SPATA31G1: variants seen among roughly 807,000 people sequenced by gnomAD.
The protein encoded by SPATA31G1 is spermatogenesis-associated protein 31G1.
At chr9:35,041,836 G>A in the SPATA31G1 span, 6 of 167,736 alleles carry the variant, frequency 3.6e-5, no homozygotes, top group Non-Finnish European at 6.6e-5. Context: ...TCACACCACT[G>A]CACTCCAGCC....
At chr9:35,042,157 G>A in the SPATA31G1 span, 1 of 1,484,442 alleles carries the variant, frequency 6.7e-7, no homozygotes, top group Non-Finnish European at 9.0e-7. Flanking sequence ...TAAATTCAGG[G>A]AGAAGGCTGT....
At chr9:35,045,698 A>G in the SPATA31G1 span, 10 of 1,614,100 alleles carry the variant, frequency 6.2e-6, no homozygotes, top group Non-Finnish European at 8.5e-6. Context: ...AGGCAGGGCG[A>G]AGAGCAAGTG....
At chr9:35,044,624 C>T in the SPATA31G1 span, 1 of 1,614,184 alleles carries the variant, frequency 6.2e-7, no homozygotes, top group Non-Finnish European at 8.5e-7. Context: ...CAGACCAAAG[C>T]AACTATAAGC....
the SPATA31G1 span, chr9:35,045,639 C>T: frequency 3.1e-6 from 5 of 1,614,232 alleles, no homozygotes; most frequent in Non-Finnish European, 4.2e-6. Flanking sequence ...ACACACTGCT[C>T]TTCCCCAGCT....
chr9:35,045,487 C>T, the SPATA31G1 span: 1 of 1,614,082 alleles, frequency 6.2e-7, no homozygotes, highest in East Asian at 2.2e-5. Flanking sequence ...AAACCCAAAG[C>T]AGGAGACCAT....
the SPATA31G1 span, chr9:35,045,273 C>A: frequency 6.2e-7 from 1 of 1,614,002 alleles, no homozygotes; most frequent in South Asian, 1.1e-5. Context: ...CAGGGCGGAA[C>A]AAGGGTCTCA....
the SPATA31G1 span, chr9:35,045,196 A>G: frequency 6.2e-7 from 1 of 1,614,034 alleles, no homozygotes; most frequent in Admixed American, 1.7e-5. Context: ...ACAGTACCTC[A>G]GCCTGTCCAG....
the SPATA31G1 span, chr9:35,041,310 T>A: frequency 4.5e-6 from 1 of 223,926 alleles, no homozygotes. Context: ...TATTTAAGAA[T>A]GTTAACAGAG....
chr9:35,044,507 T>C, the SPATA31G1 span: 3 of 1,614,086 alleles, frequency 1.9e-6, no homozygotes, highest in African/African-American at 1.3e-5. Flanking sequence ...CTCAGTCTAT[T>C]GTAGGGGAAA....
chr9:35,045,159 A>G, the SPATA31G1 span: 2 of 1,613,374 alleles, frequency 1.2e-6, no homozygotes, highest in East Asian at 2.2e-5. Flanking sequence ...CCACTCTTCA[A>G]GTTGTCATCC....
At chr9:35,045,761 G>GT in the SPATA31G1 span, 1 of 1,614,216 alleles carries the variant, frequency 6.2e-7, no homozygotes, top group African/African-American at 1.3e-5. Context: ...ACATGGAGAA[G>GT]TATCTCTCCT....
chr9:35,042,979 T>C, the SPATA31G1 span: 1 of 1,614,176 alleles, frequency 6.2e-7, no homozygotes, highest in South Asian at 1.1e-5. Flanking sequence ...CTGGATCCAC[T>C]GAAGCCATGT....
chr9:35,041,108 G>A, the SPATA31G1 span: 1 of 454,816 alleles, frequency 2.2e-6, no homozygotes, highest in South Asian at 1.6e-5. Flanking sequence ...AAGAGGCAAA[G>A]GCAGAGAACA....
the SPATA31G1 span, chr9:35,044,999 G>T: frequency 6.2e-7 from 1 of 1,614,180 alleles, no homozygotes; most frequent in South Asian, 1.1e-5. Context: ...TGAAACTCAG[G>T]CTGAAGAAAC....
At chr9:35,044,317 G>C in the SPATA31G1 span, 1 of 1,614,110 alleles carries the variant, frequency 6.2e-7, no homozygotes, top group Non-Finnish European at 8.5e-7. Context: ...CTGGCCCTCA[G>C]CCCACCCCCA....
chr9:35,044,628 T>C, the SPATA31G1 span: 4 of 1,614,110 alleles, frequency 2.5e-6, no homozygotes, highest in Middle Eastern at 1.6e-4. Context: ...CCAAAGCAAC[T>C]ATAAGCCTGA....
the SPATA31G1 span, chr9:35,043,078 T>G: frequency 6.1e-5 from 99 of 1,614,018 alleles, no homozygotes; most frequent in Middle Eastern, 4.9e-4. Flanking sequence ...CTCAAGGCTA[T>G]AGGGATACCA....
the SPATA31G1 span, chr9:35,045,422 G>C: frequency 7.4e-6 from 12 of 1,614,150 alleles, no homozygotes; most frequent in South Asian, 1.1e-5. Context: ...TCTCAGGCAA[G>C]AGAAAGGACA....
At chr9:35,042,749 G>A in the SPATA31G1 span, 1 of 1,409,240 alleles carries the variant, frequency 7.1e-7, no homozygotes, top group Middle Eastern at 2.6e-4. Context: ...ACACACGTGG[G>A]ATTAGGTGAG....
Sources: allele counts gnomAD v4.1 joint callset, GRCh38; gene constraint gnomAD v4.1.1; transcripts MANE v1.5; gene names NCBI Gene and HGNC (gene_info 2026-07-23, HGNC 2026-07-21).